The following NAALADL2 variants were observed in gnomAD, a reference collection of about 807,000 sequenced individuals.
NAALADL2 encodes the protein inactive N-acetylated-alpha-linked acidic dipeptidase-like protein 2.
In NAALADL2, 76 loss-of-function variants were observed where a neutral mutation model predicts 87.2. The ratio of observed to expected loss-of-function variants is 0.87; its 90% CI spans 0.72 to 1.05. The LOEUF (loss-of-function observed/expected upper bound fraction) is 1.05. NAALADL2 is among the 50% of genes least tolerant of loss of function. NAALADL2 has a pLI of 0.00. For missense variants in NAALADL2, 1,089 were observed against 945.8 expected (o/e 1.15, Z -1.99); for synonymous variants, 354 against 331.0 (o/e 1.07, Z -0.75).
chr3:175,318,687 G>T (rs530544208), intron 4 of NAALADL2, among the ~76,000 whole-genome samples: 3 of 152,034 alleles, frequency 2.0e-5, no homozygotes, highest in African/African-American at 7.2e-5. Context: ...CCATTTTAAG[G>T]TGATGTGTGT....
intron 9 of NAALADL2, among the ~76,000 whole-genome samples, chr3:175,516,563 T>C (rs993547317): frequency 1.3e-5 from 2 of 152,192 alleles, no homozygotes; most frequent in African/African-American, 4.8e-5. Context: ...AATTTTCAAA[T>C]AGTAAAGGAA....
In NAALADL2 at chr3:175,012,967, G is replaced by GTGTA. The variant is rs1553916621; in HGVS notation, c.44-83822_44-83821insGTAT. Among the ~76,000 whole-genome samples, 154 of 126,986 alleles carry GTGTA rather than the reference G, an allele frequency of 1.2e-3. 1 individual carries two copies. The highest frequency in any genetic ancestry group is 4.9e-3 in the African/African-American group (144 of 29,528). 83.3% of individuals were successfully genotyped at this position (126,986 alleles called of 152,430 possible). A position where few individuals can be genotyped will look rare whatever the true frequency, so the allele number is the denominator to read the frequency against. ...TGTCCAATATAGCCTAGATGTGTGT[G>GTGTA]TATATATATATACACAAAAATATAT... On this transcript the variant is annotated intron_variant, in intron 1 of 13. Transcript: ENST00000454872.
intron 1 of NAALADL2, among the ~76,000 whole-genome samples, chr3:174,531,059 T>C (rs946318833): frequency 6.6e-6 from 1 of 152,206 alleles, no homozygotes; most frequent in Non-Finnish European, 1.5e-5. Context: ...AGGACAAATA[T>C]ACAAGCTATA....
At chr3:175,727,664 A>C (rs1743115391) in intron 11 of NAALADL2, among the ~76,000 whole-genome samples, 1 of 152,210 alleles carries the variant, frequency 6.6e-6, no homozygotes, top group South Asian at 2.1e-4. Context: ...CTTAAGAAGG[A>C]AAAGTGAGAT....
At chr3:174,666,019 C>T (rs1310074834) in intron 2 of NAALADL2, among the ~76,000 whole-genome samples, 1 of 152,234 alleles carries the variant, frequency 6.6e-6, no homozygotes, top group Admixed American at 6.5e-5. Flanking sequence ...AACTTGATTA[C>T]ACCTACAAAG....
rs1285411575 is a variant in NAALADL2, at chr3:175,013,119, T to TATACATATTTATATATAAATATGTA, written c.44-83623_44-83599dup. Reference sequence around the variant, plus strand: ...ATAAATATACATATTTATATATAAATATACATATTTATATATAAATATGTA... The same window carrying TATACATATTTATATATAAATATGTA: ...ATAAATATACATATTTATATATAAATATACATATTTATATATAAATATGTAATACATATTTATATATAAATATGTA... On this transcript the variant is annotated intron_variant, in intron 1 of 13. Coordinates refer to ENST00000454872, the MANE Select transcript of NAALADL2 (RefSeq NM_207015.3). Among the ~76,000 whole-genome samples, 97 of 23,500 alleles carry TATACATATTTATATATAAATATGTA rather than the reference T, an allele frequency of 4.1e-3. 1 individual carries two copies. The highest frequency in any genetic ancestry group is 7.6e-3 in the Admixed American group (9 of 1,190). 15.4% of individuals were successfully genotyped at this position (23,500 alleles called of 152,430 possible). A position where few individuals can be genotyped will look rare whatever the true frequency, so the allele number is the denominator to read the frequency against.
chr3:175,703,359 A>AT (rs1325174987), intron 11 of NAALADL2, among the ~76,000 whole-genome samples: 1 of 152,156 alleles, frequency 6.6e-6, no homozygotes, highest in Non-Finnish European at 1.5e-5. Context: ...CAAATTTGGC[A>AT]TTTTTTACTA....
intron 2 of NAALADL2, among the ~76,000 whole-genome samples, chr3:174,723,102 C>T (rs1362114764): frequency 6.6e-6 from 1 of 152,036 alleles, no homozygotes; most frequent in Non-Finnish European, 1.5e-5. Context: ...GACAGAGAGA[C>T]TGAATCATTA....
At chr3:174,629,002 C>T (rs1001305267) in intron 2 of NAALADL2, among the ~76,000 whole-genome samples, 1 of 152,108 alleles carries the variant, frequency 6.6e-6, no homozygotes, top group African/African-American at 2.4e-5. Context: ...GGTTATAAAA[C>T]TAATTGTTGT....
intron 1 of NAALADL2, among the ~76,000 whole-genome samples, chr3:174,446,727 A>G (rs1223620008): frequency 6.6e-6 from 1 of 152,200 alleles, no homozygotes; most frequent in African/African-American, 2.4e-5. Flanking sequence ...TCAAACCTGT[A>G]ACATATTTCC....
chr3:175,772,033 G>A (rs1749559891), intron 13 of NAALADL2, among the ~76,000 whole-genome samples: 1 of 152,060 alleles, frequency 6.6e-6, no homozygotes. Context: ...AGACATGTGG[G>A]GATTATGGGA....
rs1244400650 is a variant in NAALADL2, at chr3:175,718,195, G to GTTTTTT, written c.1897-19088_1897-19083dup. The GTTTTTT allele has an allele frequency of 1.8e-4, 148 of 823,384 alleles. 41 individuals are homozygous for GTTTTTT. Among genetic ancestry groups the GTTTTTT allele is most frequent in the South Asian group, 6.8e-4 (37 of 54,354 alleles). 51.0% of individuals were successfully genotyped at this position (823,384 alleles called of 1,614,324 possible). On this transcript the variant is annotated intron_variant, in intron 11 of 13. Coordinates refer to ENST00000454872, the MANE Select transcript of NAALADL2 (RefSeq NM_207015.3). ...TGGAGGGGAAGGGGAAGGGCCTGTG[G>GTTTTTT]TTTTTTTTTTTTTTTTTTTTTTTTT...
At chr3:175,137,027 A>T (rs945113276) in intron 2 of NAALADL2, among the ~76,000 whole-genome samples, 2 of 152,058 alleles carry the variant, frequency 1.3e-5, no homozygotes, top group Non-Finnish European at 2.9e-5. Context: ...CTGGGAACTT[A>T]ATGATGGAAT....
chr3:175,181,062 A>G (rs1157804873), intron 2 of NAALADL2, among the ~76,000 whole-genome samples: 1 of 152,000 alleles, frequency 6.6e-6, no homozygotes, highest in East Asian at 1.9e-4. Flanking sequence ...TTTCATACCT[A>G]TGACATTTAG....
chr3:174,743,255 C>T (rs1476476737), intron 3 of NAALADL2, among the ~76,000 whole-genome samples: 1 of 151,666 alleles, frequency 6.6e-6, no homozygotes, highest in Non-Finnish European at 1.5e-5. Flanking sequence ...TCAACCGGGT[C>T]TTTTGTTTCT....
intron 10 of NAALADL2, among the ~76,000 whole-genome samples, chr3:175,584,439 C>T (rs6790956): frequency 0.11 from 17,317 of 152,194 alleles, 2,471 homozygotes; most frequent in African/African-American, 0.33. Flanking sequence ...AAGATTCCAA[C>T]CTAACATTCT....
intron 1 of NAALADL2, among the ~76,000 whole-genome samples, chr3:174,544,567 C>CTTTTTTTTTTTTTTTTTTTTTGTTTTT (rs10575227): frequency 8.7e-6 from 1 of 115,168 alleles, no homozygotes; most frequent in Non-Finnish European, 1.7e-5. Flanking sequence ...TTTTTGTTTT[C>CTTTTTTTTTTTTTTTTTTTTTGTTTTT]TTTTTTTTTT....
At chr3:175,098,890 T>A (rs1021105729) in intron 2 of NAALADL2, among the ~76,000 whole-genome samples, 3 of 121,124 alleles carry the variant, frequency 2.5e-5, no homozygotes, top group Non-Finnish European at 5.4e-5. Flanking sequence ...AGGACAATTA[T>A]GTGTTTTTTT....
intron 5 of NAALADL2, among the ~76,000 whole-genome samples, chr3:175,391,323 A>T (rs1769037718): frequency 6.6e-6 from 1 of 152,180 alleles, no homozygotes; most frequent in Admixed American, 6.5e-5. Flanking sequence ...TTCCTTTCTA[A>T]TTAGAATACA....
Sources: gnomAD v4.1 joint callset for allele counts (sites outside exome capture counted in the v4.1 genomes callset) on GRCh38, gnomAD v4.1.1 for gene constraint, MANE v1.5 for transcripts, NCBI Gene and HGNC (gene_info 2026-07-23, HGNC 2026-07-21) for gene names.